The following NSMCE2 variants were observed in gnomAD, a reference collection of about 807,000 sequenced individuals.
NSMCE2 encodes the protein NSE2 SUMO ligase component of SMC5/6 complex.
In NSMCE2, 24 loss-of-function variants were observed where a neutral mutation model predicts 23.8. The ratio of observed to expected loss-of-function variants is 1.01; its 90% CI spans 0.73 to 1.42. NSMCE2 has a LOEUF of 1.42. Ranked by LOEUF, NSMCE2 falls within the 40% of genes most tolerant of loss-of-function variation. NSMCE2 has a pLI of 0.00. For synonymous variants in NSMCE2, 92 were observed against 94.1 expected (o/e 0.98, Z 0.13); for missense variants, 284 against 296.5 (o/e 0.96, Z 0.31).
At chr8:125,283,179 A>G (rs1399601408) in intron 5 of NSMCE2, among the ~76,000 whole-genome samples, 7 of 152,230 alleles carry the variant, frequency 4.6e-5, no homozygotes, top group South Asian at 2.1e-4. Flanking sequence ...AAGGTCTGAT[A>G]TATAGTAAAT....
At chr8:125,275,465 C>T (rs1192408497) in intron 5 of NSMCE2, among the ~76,000 whole-genome samples, 1 of 152,182 alleles carries the variant, frequency 6.6e-6, no homozygotes, top group East Asian at 1.9e-4. Context: ...CAGGTAAGAA[C>T]GTGCCCTGTG....
chr8:125,095,073 A>G (rs1817864446), intron 1 of NSMCE2, among the ~76,000 whole-genome samples: 1 of 151,692 alleles, frequency 6.6e-6, no homozygotes, highest in Non-Finnish European at 1.5e-5. Flanking sequence ...CTGGTCTCGA[A>G]CTCCTGGGCT....
intron 5 of NSMCE2, among the ~76,000 whole-genome samples, chr8:125,329,995 G>A (rs1829811385): frequency 6.6e-6 from 1 of 151,862 alleles, no homozygotes; most frequent in South Asian, 2.1e-4. Flanking sequence ...TCATTACCTA[G>A]AATCATTGAC....
At chr8:125,215,954 G>C (rs961618328) in intron 5 of NSMCE2, among the ~76,000 whole-genome samples, 1 of 152,190 alleles carries the variant, frequency 6.6e-6, no homozygotes, top group Non-Finnish European at 1.5e-5. Flanking sequence ...TATTGTCCTA[G>C]TTACTTGGGA....
At chr8:125,241,849 G>T (rs1825776741) in intron 5 of NSMCE2, among the ~76,000 whole-genome samples, 1 of 152,194 alleles carries the variant, frequency 6.6e-6, no homozygotes, top group Non-Finnish European at 1.5e-5. Context: ...TAGGCATTCT[G>T]TTAGATATGG....
rs537382884 is a variant in NSMCE2, at chr8:125,353,734, T to G, written c.419-3485T>G. Among the ~76,000 whole-genome samples the G allele has an allele frequency of 1.1e-4, 17 of 151,264 alleles. No individual in the cohort carries two copies. The South Asian group carries it at 1.5e-3, about 13-fold the overall frequency. Reference sequence around the variant, plus strand: ...CACGTCTCCACTAAAAATACAAAAATTAGCTGGGCCTGGTGGTGGACGCCT... The same window carrying G: ...CACGTCTCCACTAAAAATACAAAAAGTAGCTGGGCCTGGTGGTGGACGCCT... On this transcript the variant is annotated intron_variant, in intron 5 of 7. Transcript: ENST00000287437.
chr8:125,105,465 T>A (rs1407956143), intron 3 of NSMCE2, among the ~76,000 whole-genome samples: 1 of 151,660 alleles, frequency 6.6e-6, no homozygotes, highest in Non-Finnish European at 1.5e-5. Context: ...GCTACAGAGT[T>A]TTTTTTTTCT....
chr8:125,092,731 C>A (rs1216865847), intron 1 of NSMCE2, among the ~76,000 whole-genome samples: 2 of 152,202 alleles, frequency 1.3e-5, no homozygotes, highest in Non-Finnish European at 2.9e-5. Flanking sequence ...AGAGAAAAAA[C>A]TCAGGAAATG....
chr8:125,313,725 C>T (rs1158642728), intron 5 of NSMCE2, among the ~76,000 whole-genome samples: 2 of 152,240 alleles, frequency 1.3e-5, no homozygotes, highest in Non-Finnish European at 2.9e-5. Flanking sequence ...CATACTCTTC[C>T]GTGGACAAAG....
At chr8:125,247,201 C>T (rs555653635) in intron 5 of NSMCE2, among the ~76,000 whole-genome samples, 2 of 151,340 alleles carry the variant, frequency 1.3e-5, no homozygotes, top group East Asian at 3.9e-4. Flanking sequence ...GGAGTAGTAT[C>T]GTGTACCTGT....
intron 3 of NSMCE2, among the ~76,000 whole-genome samples, chr8:125,112,016 A>G (rs1170773328): frequency 3.3e-5 from 5 of 152,086 alleles, no homozygotes; most frequent in Non-Finnish European, 7.3e-5. Context: ...TTTATTTCAT[A>G]ATTATTGAAT....
At chr8:125,301,943 A>G (rs1309521394) in intron 5 of NSMCE2, among the ~76,000 whole-genome samples, 14 of 151,850 alleles carry the variant, frequency 9.2e-5, no homozygotes, top group African/African-American at 3.4e-4. Context: ...AATTACAGGC[A>G]TGAGCCACCG....
At chr8:125,254,970 G>A (rs1826345517) in intron 5 of NSMCE2, among the ~76,000 whole-genome samples, 1 of 152,124 alleles carries the variant, frequency 6.6e-6, no homozygotes, top group Non-Finnish European at 1.5e-5. Flanking sequence ...TCTGAGCTCT[G>A]TAACTGCCTG....
At chr8:125,264,551 C>T (rs558001490) in intron 5 of NSMCE2, among the ~76,000 whole-genome samples, 43 of 152,258 alleles carry the variant, frequency 2.8e-4, no homozygotes, top group African/African-American at 9.6e-4. Context: ...GGACCATCTG[C>T]GCGCACCACC....
At chr8:125,111,939 G>C (rs1003119060) in intron 3 of NSMCE2, among the ~76,000 whole-genome samples, 6 of 152,162 alleles carry the variant, frequency 3.9e-5, no homozygotes, top group African/African-American at 1.4e-4. Flanking sequence ...CTCCATTAGA[G>C]CACTGCTTTT....
rs558313702 is a variant in NSMCE2 at position 125,351,122 on chromosome 8, G to A, written c.419-6097G>A. ...CAAAGGCTTTGGCTTTGAGCAACTC[G>A]GTGGATGCTGACTGAGAAGAGGAGA... On this transcript the variant is annotated intron_variant, in intron 5 of 7. Coordinates refer to ENST00000287437, the MANE Select transcript of NSMCE2 (RefSeq NM_173685.4). 1.6e-4 allele frequency among the ~76,000 whole-genome samples: 24 copies of A among 152,276 alleles called. 1 individual carries two copies. In the South Asian group the frequency reaches 2.7e-3, roughly 17 times the overall value.
intron 5 of NSMCE2, among the ~76,000 whole-genome samples, chr8:125,288,135 G>T (rs1389641225): frequency 1.3e-5 from 2 of 152,088 alleles, no homozygotes; most frequent in African/African-American, 2.4e-5. Flanking sequence ...GATGTTTTAG[G>T]ATTCTCATTC....
At chr8:125,217,097 G>A (rs1417207917) in intron 5 of NSMCE2, among the ~76,000 whole-genome samples, 3 of 152,136 alleles carry the variant, frequency 2.0e-5, no homozygotes, top group Non-Finnish European at 4.4e-5. Context: ...AGGAAATAAA[G>A]ATTCCATAAG....
chr8:125,179,685 G>A (rs1822699769), intron 4 of NSMCE2, among the ~76,000 whole-genome samples: 1 of 152,188 alleles, frequency 6.6e-6, no homozygotes, highest in African/African-American at 2.4e-5. Flanking sequence ...TGGGGGGAAA[G>A]CACAGTGAAT....
Sources: allele counts gnomAD v4.1 joint callset (sites outside exome capture counted in the v4.1 genomes callset), GRCh38; gene constraint gnomAD v4.1.1; transcripts MANE v1.5; gene names NCBI Gene and HGNC (gene_info 2026-07-23, HGNC 2026-07-21).